Variants in TLK1 observed in about 807,000 individuals in gnomAD.
TLK1 encodes tousled like kinase 1, also known as serine/threonine-protein kinase tousled-like 1.
A neutral mutation model predicts 105.3 loss-of-function variants in TLK1; 24 were observed. The observed-to-expected ratio is 0.23, with a 90% CI of 0.17 to 0.32. The LOEUF (loss-of-function observed/expected upper bound fraction) is 0.32. TLK1 is among the 10% of genes least tolerant of loss of function. TLK1 has a pLI of 1.00. For missense variants in TLK1, 558 were observed against 910.5 expected (o/e 0.61, Z 4.98); for synonymous variants, 321 against 310.4 (o/e 1.03, Z -0.36).
intron 1 of TLK1, among the ~76,000 whole-genome samples, chr2:171,173,348 C>A (rs1158933317): frequency 6.6e-6 from 1 of 152,158 alleles, no homozygotes; most frequent in African/African-American, 2.4e-5. Context: ...ATGTACAGAG[C>A]TAGACAGGAT....
At chr2:171,083,154 A>G (rs913163034) in intron 2 of TLK1, among the ~76,000 whole-genome samples, 31 of 152,302 alleles carry the variant, frequency 2.0e-4, no homozygotes, top group African/African-American at 7.2e-4. Context: ...TTAGGATGAC[A>G]AGATCCCTAA....
intron 1 of TLK1, among the ~76,000 whole-genome samples, chr2:171,207,836 A>C (rs1472510326): frequency 6.6e-6 from 1 of 152,052 alleles, no homozygotes; most frequent in East Asian, 1.9e-4. Context: ...TTCTCTTCTC[A>C]GACCTCAGCC....
intron 2 of TLK1, among the ~76,000 whole-genome samples, chr2:171,103,282 A>ATATATATATATATATATATAT (rs55949414): frequency 2.3e-4 from 34 of 147,854 alleles, no homozygotes; most frequent in African/African-American, 4.7e-4. Context: ...ATATATATAT[A>ATATATATATATATATATATAT]ATTTTTTTTG....
At chr2:171,098,073 A>G (rs1039965783) in intron 2 of TLK1, among the ~76,000 whole-genome samples, 4 of 152,202 alleles carry the variant, frequency 2.6e-5, no homozygotes, top group African/African-American at 9.7e-5. Context: ...AATGAAGCAG[A>G]GAGTACAACG....
Position 170,993,690 on chromosome 2 carries a change from A to AT in TLK1, c.*89_*90insA. The stretch of plus-strand genomic sequence containing the variant: ...GTGTAAAAAAAAAAAAAAAAAAAAA[A>AT]GAAAAAGAAAACAAACACTCAAATG... On this transcript the variant is annotated 3_prime_UTR_variant, in exon 21 of 21. Coordinates refer to ENST00000431350, the MANE Select transcript of TLK1 (RefSeq NM_012290.5). 15 of 940,744 alleles carry AT rather than the reference A, an allele frequency of 1.6e-5. No homozygotes were observed. The highest frequency in any genetic ancestry group is 3.2e-5 in the East Asian group (1 of 30,976). 58.3% of individuals were successfully genotyped at this position (940,744 alleles called of 1,614,324 possible). A position where few individuals can be genotyped will look rare whatever the true frequency, so the allele number is the denominator to read the frequency against.
chr2:171,193,265 C>G (rs1693190082), intron 1 of TLK1, among the ~76,000 whole-genome samples: 2 of 152,158 alleles, frequency 1.3e-5, no homozygotes, highest in African/African-American at 4.8e-5. Context: ...AAAGTCTACT[C>G]TAGGAGGAGT....
At chr2:171,163,509 T>C (rs915573709), upstream of TLK1, among the ~76,000 whole-genome samples, 27 of 152,216 alleles carry the variant, frequency 1.8e-4, no homozygotes, top group African/African-American at 6.5e-4. Flanking sequence ...TTAAGAGACC[T>C]GAGTATTAGT....
intron 3 of TLK1, among the ~76,000 whole-genome samples, chr2:171,070,565 A>G (rs1319967568): frequency 1.3e-5 from 2 of 152,182 alleles, no homozygotes; most frequent in Non-Finnish European, 2.9e-5. Flanking sequence ...ACTCAACAAT[A>G]TGACCTCCAG....
At chr2:171,120,589 A>C (rs910675843) in intron 1 of TLK1, among the ~76,000 whole-genome samples, 4 of 152,222 alleles carry the variant, frequency 2.6e-5, no homozygotes, top group Non-Finnish European at 2.9e-5. Context: ...ACGGTGAGAC[A>C]CCACTTCATA....
At chr2:171,190,692 A>T (rs1400601664) in intron 1 of TLK1, among the ~76,000 whole-genome samples, 1 of 152,214 alleles carries the variant, frequency 6.6e-6, no homozygotes, top group Admixed American at 6.5e-5. Flanking sequence ...AATCTTTATA[A>T]AGAGGCAAAC....
chr2:171,183,311 A>G (rs2105308917), intron 1 of TLK1, among the ~76,000 whole-genome samples: 1 of 152,306 alleles, frequency 6.6e-6, no homozygotes, highest in African/African-American at 2.4e-5. Flanking sequence ...AGATAACTCT[A>G]AACTGGATAA....
chr2:171,031,576 C>T (rs1343879923), intron 11 of TLK1, among the ~76,000 whole-genome samples: 1 of 152,082 alleles, frequency 6.6e-6, no homozygotes, highest in East Asian at 1.9e-4. Flanking sequence ...ATTTTTATTA[C>T]ACAAACATAA....
chr2:171,047,125 T>C (rs1686999926), intron 10 of TLK1, among the ~76,000 whole-genome samples: 1 of 152,162 alleles, frequency 6.6e-6, no homozygotes, highest in Non-Finnish European at 1.5e-5. Flanking sequence ...TGCTTCCCAT[T>C]CAAGAAACTG....
intron 1 of TLK1, chr2:171,154,379 A>G (rs1692156463): frequency 6.6e-6 from 1 of 152,098 alleles, no homozygotes; most frequent in Non-Finnish European, 1.5e-5. Context: ...CAATGCTCTC[A>G]TTTTACAGAT....
chr2:171,046,063 G>A (rs1686947895), intron 11 of TLK1, 111 bp downstream of exon 11: 1 of 951,784 alleles, frequency 1.1e-6, no homozygotes. Context: ...CTTCCTTCCT[G>A]GTCTTAATCA....
chr2:171,053,553 G>C (rs915454081), intron 8 of TLK1, among the ~76,000 whole-genome samples: 3 of 152,032 alleles, frequency 2.0e-5, no homozygotes, highest in African/African-American at 7.2e-5. Context: ...AGTAGAAACG[G>C]GGTTTCACCA....
chr2:171,053,410 T>G (rs1274901139), intron 8 of TLK1, among the ~76,000 whole-genome samples: 1 of 152,104 alleles, frequency 6.6e-6, no homozygotes, highest in African/African-American at 2.4e-5. Flanking sequence ...GTCGCCAGGC[T>G]GGAGTACAGT....
chr2:171,013,105 CG>C (rs1156280162), intron 13 of TLK1, among the ~76,000 whole-genome samples: 2 of 151,618 alleles, frequency 1.3e-5, no homozygotes, highest in Non-Finnish European at 2.9e-5. Context: ...CTCCGCCTCC[CG>C]GGTTCAAGTG....
intron 1 of TLK1, among the ~76,000 whole-genome samples, chr2:171,221,152 G>A (rs530700837): frequency 6.6e-6 from 1 of 152,292 alleles, no homozygotes; most frequent in Admixed American, 6.5e-5. Context: ...CACATTTCTG[G>A]TTTTGTCATA....
Sources: gnomAD v4.1 joint callset for allele counts (sites outside exome capture counted in the v4.1 genomes callset) on GRCh38, gnomAD v4.1.1 for gene constraint, MANE v1.5 for transcripts, NCBI Gene and HGNC (gene_info 2026-07-23, HGNC 2026-07-21) for gene names.